The following MUC22 variants were observed in gnomAD, a reference collection of about 807,000 sequenced individuals.
MUC22 encodes the protein mucin 22, also known as mucin-22.
In MUC22, 24 loss-of-function variants were observed where a neutral mutation model predicts 40.3. The ratio of observed to expected loss-of-function variants is 0.60; its 90% CI spans 0.43 to 0.84. The LOEUF (loss-of-function observed/expected upper bound fraction) is 0.84. Among genes scored for constraint, MUC22 ranks in the 40% least tolerant of loss-of-function variants. The probability of loss-of-function intolerance (pLI) is 0.00; values close to 1 mark genes in which losing one functional copy is unlikely to be tolerated. For missense variants in MUC22, 1,926 were observed against 2,130.7 expected (o/e 0.90, Z 1.89); for synonymous variants, 765 against 844.5 (o/e 0.91, Z 1.63).
exon 2 of MUC22, chr6:31,030,057 C>T: frequency 6.5e-7 from 1 of 1,535,188 alleles, no homozygotes; most frequent in Non-Finnish European, 8.7e-7. Flanking sequence ...TCACCAAGGC[C>T]ACTGACGTTT....
At chr6:31,020,884 G>T (rs1581626080) in intron 1 of MUC22, among the ~76,000 whole-genome samples, 1 of 152,240 alleles carries the variant, frequency 6.6e-6, no homozygotes, top group South Asian at 2.1e-4. Context: ...TGCGGAGGGT[G>T]TACTAGGTCC....
At position 31,026,191 on chromosome 6, in the gene MUC22, A is replaced by G. The variant is rs1244890987; in HGVS notation, c.760A>G (p.Ser254Gly). 2 of 1,522,492 alleles carry G rather than the reference A, an allele frequency of 1.3e-6. 1 individual carries two copies. The highest frequency in any genetic ancestry group is 2.4e-5 in the South Asian group (2 of 83,528). 94.3% of individuals were successfully genotyped at this position (1,522,492 alleles called of 1,614,324 possible). The change falls in exon 2 of 4, where the codon AGC becomes GGC. Residue 254 changes from serine (S) to glycine (G), a missense_variant. Ser to Gly is a moderately conservative substitution (Grantham distance 56). Coordinates refer to ENST00000561890, the Ensembl canonical transcript of MUC22. ...CAAGGTGATCACGGCATCCAGCATG[A>G]GCTCTGAGACCACTGTGGCCCCCGC...
At chr6:31,018,727 C>T (rs9262494) in intron 1 of MUC22, among the ~76,000 whole-genome samples, 22,116 of 152,308 alleles carry the variant, frequency 0.15, 1,764 homozygotes, top group African/African-American at 0.19. Flanking sequence ...TCTCTGAATC[C>T]AATGGACATG....
chr6:31,029,864 C>A, exon 2 of MUC22: 1 of 1,477,740 alleles, frequency 6.8e-7, no homozygotes, highest in South Asian at 1.3e-5. Flanking sequence ...ACCTCCACAC[C>A]CTCCAGTGCA....
chr6:31,021,853 TCCACACTG>T (rs1764781091), intron 1 of MUC22, among the ~76,000 whole-genome samples: 1 of 152,142 alleles, frequency 6.6e-6, no homozygotes, highest in African/African-American at 2.4e-5. Context: ...TGGGTCGTTT[TCCACACTG>T]TGGAAACTTT....
exon 4 of MUC22, chr6:31,034,785 G>T: frequency 6.5e-7 from 1 of 1,535,730 alleles, no homozygotes; most frequent in African/African-American, 1.4e-5. Context: ...TCCACAGCCT[G>T]GGAAATGCAC....
Position 31,029,630 on chromosome 6 carries a change from C to A in MUC22, c.4199C>A (p.Thr1400Asn), listed in dbSNP as rs1405752919. Residue 1400 changes from threonine to asparagine, a missense_variant, in exon 2 of 4, where the codon ACC (threonine) becomes AAC (asparagine). Physicochemically the swap from Thr to Asn is moderately conservative, Grantham distance 65. Transcript: ENST00000561890. ...GGCTCTGAGATGACTACAGTCTTTA[C>A]CACAGTCTCTGAGACCACCACAGTC... is the stretch of plus-strand genomic sequence containing the variant. 2.0e-6 allele frequency: 3 copies of A among 1,535,502 alleles called. No homozygotes were observed. The East Asian group carries it at 7.3e-5, about 38-fold the overall frequency.
chr6:31,029,408 C>A (rs1455908204), exon 2 of MUC22: 1 of 1,534,664 alleles, frequency 6.5e-7, no homozygotes, highest in Non-Finnish European at 8.7e-7. Flanking sequence ...TCTGAGACCA[C>A]CACAGCCTCT....
At chr6:31,033,283 G>A (rs774376326) in intron 3 of MUC22, among the ~76,000 whole-genome samples, 2 of 150,448 alleles carry the variant, frequency 1.3e-5, no homozygotes, top group Non-Finnish European at 3.0e-5. Context: ...AAGAAAGAAA[G>A]AAAGAAACTG....
chr6:31,033,560 G>A (rs1200571173), intron 3 of MUC22, among the ~76,000 whole-genome samples: 2 of 152,178 alleles, frequency 1.3e-5, no homozygotes, highest in Non-Finnish European at 2.9e-5. Context: ...TGTTCTTCCT[G>A]TTTTCTTGTG....
exon 2 of MUC22, chr6:31,027,855 T>G (rs1211286386): frequency 6.6e-7 from 1 of 1,515,890 alleles, no homozygotes; most frequent in Non-Finnish European, 8.8e-7. Context: ...CCACCACCAC[T>G]TCCACTGAAG....
At chr6:31,028,020 T>C in exon 2 of MUC22, 1 of 1,532,954 alleles carries the variant, frequency 6.5e-7, no homozygotes, top group Non-Finnish European at 8.7e-7. Flanking sequence ...CTGCAGATTC[T>C]GAGACCACCT....
chr6:31,021,007 C>T (rs537991393), intron 1 of MUC22, among the ~76,000 whole-genome samples: 12 of 146,806 alleles, frequency 8.2e-5, no homozygotes, highest in African/African-American at 2.3e-4. Context: ...CCTCCCACCC[C>T]CTCCATGGGC....
chr6:31,028,604 T>C, exon 2 of MUC22: 2 of 1,523,052 alleles, frequency 1.3e-6, no homozygotes, highest in Non-Finnish European at 1.7e-6. Context: ...ACCACAGTCT[T>C]CACTGAAAAC....
chr6:31,025,426 G>T, intron 1 of MUC22, 76 bp from the exon 2 acceptor site: 2 of 1,389,076 alleles, frequency 1.4e-6, no homozygotes, highest in Non-Finnish European at 1.9e-6. Context: ...CTGAGTATAT[G>T]TGAAAGTAAC....
At chr6:31,013,160 T>C (rs1439892980) in intron 1 of MUC22, among the ~76,000 whole-genome samples, 2 of 130,654 alleles carry the variant, frequency 1.5e-5, no homozygotes, top group Non-Finnish European at 3.3e-5. Context: ...GGAGTGTGGC[T>C]CTGTCGCCCA....
At chr6:31,006,054 C>G (rs937880870), upstream of MUC22, 2 of 282,288 alleles carry the variant, frequency 7.1e-6, no homozygotes, top group Non-Finnish European at 1.4e-5. Context: ...TTGCAGTGAG[C>G]CGAGATTGCA....
At chr6:31,022,277 C>T (rs939072665) in intron 1 of MUC22, among the ~76,000 whole-genome samples, 2 of 152,118 alleles carry the variant, frequency 1.3e-5, no homozygotes, top group African/African-American at 4.8e-5. Flanking sequence ...CCTGCCTCAG[C>T]TTCTCGAGTA....
Position 31,033,075 on chromosome 6 carries a change from G to A in MUC22, c.5055+494G>A, listed in dbSNP as rs904393595. ...AGCTACTTTGGAGGCTGAGGCACGA[G>A]AATTGCTTGAACCTGGGAGATGGAG... On this transcript the variant is annotated intron_variant, in intron 3 of 3. Coordinates refer to ENST00000561890, the Ensembl canonical transcript of MUC22. Among the ~76,000 whole-genome samples the A allele has an allele frequency of 5.3e-5, 8 of 152,292 alleles. No homozygotes were observed. In the East Asian group the frequency reaches 5.8e-4, roughly 11 times the overall value.
Sources: allele counts gnomAD v4.1 joint callset (sites outside exome capture counted in the v4.1 genomes callset), GRCh38; gene constraint gnomAD v4.1.1; transcripts MANE v1.5; gene names NCBI Gene and HGNC (gene_info 2026-07-23, HGNC 2026-07-21).